Variants in STPG2 observed in about 807,000 individuals in gnomAD.
The protein encoded by STPG2 is sperm tail PG-rich repeat containing 2.
A neutral mutation model predicts 54.2 loss-of-function variants in STPG2; 56 were observed. The observed-to-expected ratio is 1.03, with a 90% CI of 0.83 to 1.29. STPG2 has a LOEUF of 1.29. STPG2 is among the 50% of genes most tolerant of loss of function. STPG2 has a pLI of 0.00. For synonymous variants in STPG2, 200 were observed against 181.8 expected, an observed-to-expected ratio of 1.10 and a Z score of -0.81; for missense variants, 596 against 544.9, an observed-to-expected ratio of 1.09 and a Z score of -0.93.
At position 98,095,492 on chromosome 4, in the gene STPG2, G is replaced by A. The variant is rs922723368; in HGVS notation, c.612+10461C>T. ...ATGGAAAAAGACACACCATGCCAATGGAAGCCAAAAAAGAGCAAGAGTAGC... is the reference window on the plus strand; with the variant it reads ...ATGGAAAAAGACACACCATGCCAATAGAAGCCAAAAAAGAGCAAGAGTAGC... On this transcript the variant is annotated intron_variant, in intron 5 of 10. Coordinates refer to ENST00000295268, the MANE Select transcript of STPG2 (RefSeq NM_174952.3). Among the ~76,000 whole-genome samples the A allele has an allele frequency of 3.9e-5, 6 of 152,108 alleles. No individual in the cohort carries two copies. The South Asian group carries it at 1.2e-3, about 32-fold the overall frequency.
intron 9 of STPG2, among the ~76,000 whole-genome samples, chr4:97,805,359 C>T (rs1237705746): frequency 6.6e-6 from 1 of 152,074 alleles, no homozygotes; most frequent in Non-Finnish European, 1.5e-5. Context: ...AGGCGCGCAC[C>T]ACCACACCCT....
At chr4:98,005,728 C>A (rs1192382487) in intron 5 of STPG2, among the ~76,000 whole-genome samples, 9 of 152,026 alleles carry the variant, frequency 5.9e-5, no homozygotes, top group Non-Finnish European at 1.0e-4. Context: ...CCCACTTGTT[C>A]ATTGTGAATA....
intron 5 of STPG2, among the ~76,000 whole-genome samples, chr4:98,016,436 C>G (rs750964847): frequency 2.0e-5 from 3 of 152,024 alleles, no homozygotes; most frequent in Non-Finnish European, 2.9e-5. Flanking sequence ...CACAGGCTTT[C>G]TTTACTCTTT....
chr4:97,641,055 TTCTC>T lies in STPG2; in HGVS notation c.1320+71640_1320+71643del, dbSNP rs923851003. Among the ~76,000 whole-genome samples, 54 of 151,672 alleles carry T rather than the reference TTCTC, an allele frequency of 3.6e-4. 1 individual carries two copies. The highest frequency in any genetic ancestry group is 5.9e-5 in the Non-Finnish European group (4 of 67,646). ...TAAATAAAGTAAAATATTAGCATCTTTCTCTCTAAAATTGGGGGAAAGGCAAAGC... is the reference window on the plus strand; with the variant it reads ...TAAATAAAGTAAAATATTAGCATCTTTCTAAAATTGGGGGAAAGGCAAAGC... On this transcript the variant is annotated intron_variant, in intron 10 of 10. Coordinates refer to ENST00000295268, the MANE Select transcript of STPG2 (RefSeq NM_174952.3).
At chr4:98,076,866 C>T (rs1738183838) in intron 5 of STPG2, among the ~76,000 whole-genome samples, 1 of 152,080 alleles carries the variant, frequency 6.6e-6, no homozygotes, top group Non-Finnish European at 1.5e-5. Context: ...AAAACTACAA[C>T]TTTATAACAA....
chr4:97,638,677 G>T (rs2148942685), intron 10 of STPG2, among the ~76,000 whole-genome samples: 1 of 142,516 alleles, frequency 7.0e-6, no homozygotes, highest in African/African-American at 2.8e-5. Context: ...ATCAAAAAGT[G>T]GGCGAAGGAC....
intron 8 of STPG2, among the ~76,000 whole-genome samples, chr4:97,899,426 C>T (rs2149183963): frequency 6.6e-6 from 1 of 151,958 alleles, no homozygotes; most frequent in African/African-American, 2.4e-5. Flanking sequence ...TAATGCTTTT[C>T]CTATCAAACT....
intron 8 of STPG2, among the ~76,000 whole-genome samples, chr4:97,930,368 G>A (rs1421923187): frequency 6.6e-6 from 1 of 152,124 alleles, no homozygotes; most frequent in African/African-American, 2.4e-5. Context: ...GTATAAAAAG[G>A]GGGTCCAGCT....
chr4:97,734,856 A>G (rs1212109667), intron 9 of STPG2, among the ~76,000 whole-genome samples: 1 of 152,116 alleles, frequency 6.6e-6, no homozygotes, highest in Non-Finnish European at 1.5e-5. Context: ...GTGGATCACA[A>G]GGTCAGCAGA....
chr4:97,547,008 G>A (rs944771173), intron 4 of STPG2, among the ~76,000 whole-genome samples: 1 of 151,966 alleles, frequency 6.6e-6, no homozygotes, highest in African/African-American at 2.4e-5. Context: ...CCTAATATAG[G>A]TTTTTTTAAA....
At chr4:97,709,887 G>T (rs1724059871) in intron 10 of STPG2, among the ~76,000 whole-genome samples, 1 of 151,752 alleles carries the variant, frequency 6.6e-6, no homozygotes, top group Non-Finnish European at 1.5e-5. Context: ...TTTATGTCTA[G>T]ATAAAAATTA....
At chr4:97,470,643 A>G (rs1729901354) in intron 4 of STPG2, among the ~76,000 whole-genome samples, 1 of 152,166 alleles carries the variant, frequency 6.6e-6, no homozygotes, top group Non-Finnish European at 1.5e-5. Context: ...AACAATAATA[A>G]TAAAACAATT....
At chr4:97,813,179 A>G (rs896926794) in intron 9 of STPG2, among the ~76,000 whole-genome samples, 18 of 152,102 alleles carry the variant, frequency 1.2e-4, no homozygotes, top group Admixed American at 1.2e-3. Flanking sequence ...ATCTCTTATT[A>G]TAAGAATCTT....
intron 4 of STPG2, among the ~76,000 whole-genome samples, chr4:97,479,255 T>G (rs528585734): frequency 2.6e-5 from 4 of 151,836 alleles, no homozygotes; most frequent in Non-Finnish European, 5.9e-5. Flanking sequence ...ATCGTATATA[T>G]GGGTGTGGGT....
At chr4:97,926,242 C>T (rs1221713245) in intron 8 of STPG2, among the ~76,000 whole-genome samples, 1 of 152,142 alleles carries the variant, frequency 6.6e-6, no homozygotes, top group Admixed American at 6.5e-5. Context: ...AGACCCAAGT[C>T]TGTGATTATC....
chr4:98,050,448 T>TG (rs1455889738), intron 5 of STPG2, among the ~76,000 whole-genome samples: 1 of 135,140 alleles, frequency 7.4e-6, no homozygotes, highest in South Asian at 2.4e-4. Flanking sequence ...TTTTTATTTT[T>TG]TAAAAAAAAG....
At chr4:97,898,264 G>C (rs1470081835) in intron 8 of STPG2, among the ~76,000 whole-genome samples, 1 of 151,854 alleles carries the variant, frequency 6.6e-6, no homozygotes, top group African/African-American at 2.4e-5. Context: ...TGGAATATGT[G>C]TCTGCTTTTG....
intron 10 of STPG2, among the ~76,000 whole-genome samples, chr4:97,642,143 C>T (rs1230220019): frequency 6.6e-6 from 1 of 151,088 alleles, no homozygotes; most frequent in African/African-American, 2.4e-5. Flanking sequence ...ATACATTAGA[C>T]CTATTTGTAG....
chr4:97,996,068 T>C, intron 5 of STPG2, among the ~76,000 whole-genome samples: 1 of 152,120 alleles, frequency 6.6e-6, no homozygotes, highest in Admixed American at 6.5e-5. Context: ...ACATTCTTCA[T>C]AGAATTAGAA....
Sources: allele counts gnomAD v4.1 joint callset (sites outside exome capture counted in the v4.1 genomes callset), GRCh38; gene constraint gnomAD v4.1.1; transcripts MANE v1.5; gene names NCBI Gene and HGNC (gene_info 2026-07-23, HGNC 2026-07-21).